CPNE5: variants seen among roughly 807,000 people sequenced by gnomAD.
CPNE5 encodes copine-5.
Under a neutral mutation model 81.1 loss-of-function variants are expected in CPNE5, and 42 were observed. The ratio of observed to expected loss-of-function variants is 0.52; its 90% confidence interval spans 0.40 to 0.67. CPNE5 has a LOEUF of 0.67. Among genes scored for constraint, CPNE5 ranks in the 30% least tolerant of loss-of-function variants. The pLI is 0.00. For missense variants in CPNE5, 612 were observed against 815.5 expected (o/e 0.75, Z 3.04); for synonymous variants, 313 against 321.5 (o/e 0.97, Z 0.28).
In CPNE5 at chr6:36,745,039, C is replaced by T; in HGVS notation, c.1431+9G>A. 1.2e-6 allele frequency: 2 copies of T among 1,607,188 alleles called. No homozygotes were observed. The highest frequency in any genetic ancestry group is 8.5e-7 in the Non-Finnish European group (1 of 1,173,668). On this transcript the variant is annotated intron_variant, in intron 18 of 20. Coordinates refer to ENST00000244751, the MANE Select transcript of CPNE5 (RefSeq NM_020939.2). ...AAACCGCCTCCCCCACCGCACACTC[C>T]TTGCTTACGTTGACAATGGCCTCCT...
intron 7 of CPNE5, chr6:36,792,497 AC>A: frequency 2.4e-6 from 2 of 833,930 alleles, no homozygotes; most frequent in Non-Finnish European, 3.5e-6. Context: ...CACCCAGCTG[AC>A]CCCCAGCGTC....
rs202188980 is a variant in CPNE5, at chr6:36,778,948, T to C, written c.538A>G (p.Thr180Ala). ...EELSNCRDVA[T>A]MQFCANKLDK... Reference sequence around the variant, plus strand: ...AGCTTGTTGGCACAGAACTGCATGGTGGCGACATCCTGGTGGGAGGGAGGG... The same window carrying C: ...AGCTTGTTGGCACAGAACTGCATGGCGGCGACATCCTGGTGGGAGGGAGGG... The change falls in exon 9 of 21, where the codon ACC becomes GCC. Residue 180 changes from threonine to alanine, a missense_variant. Transcript: ENST00000244751. 1.7e-5 allele frequency: 27 copies of C among 1,592,834 alleles called. No individual in the cohort carries two copies. The East Asian group carries it at 5.4e-4, about 32-fold the overall frequency.
At chr6:36,795,367 C>T (rs372656477) in intron 6 of CPNE5, among the ~76,000 whole-genome samples, 6 of 151,980 alleles carry the variant, frequency 3.9e-5, no homozygotes, top group South Asian at 2.1e-4. Context: ...TTAGTAGAGA[C>T]GAGGTTTCAC....
intron 6 of CPNE5, among the ~76,000 whole-genome samples, chr6:36,796,419 C>T (rs1769581030): frequency 6.6e-6 from 1 of 152,186 alleles, no homozygotes; most frequent in African/African-American, 2.4e-5. Flanking sequence ...GGCTTTGGAC[C>T]CAGGCAGCTG....
chr6:36,784,936 AAGAG>A (rs1472809211), intron 8 of CPNE5, among the ~76,000 whole-genome samples: 1 of 142,258 alleles, frequency 7.0e-6, no homozygotes, highest in Non-Finnish European at 1.5e-5. Flanking sequence ...CTCAAAAACA[AAGAG>A]AGAGAGAGGA....
chr6:36,754,904 A>T (rs533965623), intron 13 of CPNE5: 1 of 152,324 alleles, frequency 6.6e-6, no homozygotes, highest in African/African-American at 2.4e-5. Context: ...GGTGCTAAAC[A>T]TCCTGTGAGA....
chr6:36,795,800 C>CATGCCTGGCCCAAAATAG (rs1769516075), intron 6 of CPNE5, among the ~76,000 whole-genome samples: 1 of 152,208 alleles, frequency 6.6e-6, no homozygotes. Context: ...CACTGACCCT[C>CATGCCTGGCCCAAAATAG]ATGCCTGGCC....
chr6:36,818,738 G>T (rs1439357897), intron 3 of CPNE5, among the ~76,000 whole-genome samples: 1 of 152,162 alleles, frequency 6.6e-6, no homozygotes, highest in Non-Finnish European at 1.5e-5. Context: ...CCACACCAAG[G>T]CCACCTGTCT....
intron 3 of CPNE5, among the ~76,000 whole-genome samples, chr6:36,800,646 G>A (rs1474418522): frequency 6.6e-6 from 1 of 152,182 alleles, no homozygotes; most frequent in African/African-American, 2.4e-5. Context: ...AGCTCCTCTC[G>A]AACGTGGGCT....
chr6:36,776,366 C>T (rs1435711663), intron 9 of CPNE5, among the ~76,000 whole-genome samples: 1 of 152,242 alleles, frequency 6.6e-6, no homozygotes, highest in Non-Finnish European at 1.5e-5. Flanking sequence ...TTCTCTGCTC[C>T]TTCTCGCCCA....
At chr6:36,760,922 C>T (rs987337419) in intron 12 of CPNE5, among the ~76,000 whole-genome samples, 1 of 152,240 alleles carries the variant, frequency 6.6e-6, no homozygotes, top group Non-Finnish European at 1.5e-5. Context: ...CCTGGGACTG[C>T]CAGAGCTGTG....
In CPNE5 at chr6:36,745,258, C is replaced by A. The variant is rs2150357224; in HGVS notation, c.1329-108G>T. 25 of 1,424,468 alleles carry A rather than the reference C, an allele frequency of 1.8e-5. No homozygotes were observed. The South Asian group carries it at 2.8e-4, about 16-fold the overall frequency. 88.2% of individuals were successfully genotyped at this position (1,424,468 alleles called of 1,614,324 possible). On this transcript the variant is annotated intron_variant, in intron 17 of 20. Transcript: ENST00000244751. ...GGAGGGTGACAGCTCTTGGGGGAAT[C>A]TCTTCAGGGTCAGGGCTCCCTGAAA...
intron 12 of CPNE5, among the ~76,000 whole-genome samples, chr6:36,762,284 ACG>A (rs1225121687): frequency 6.9e-6 from 1 of 145,848 alleles, no homozygotes; most frequent in African/African-American, 2.6e-5. Flanking sequence ...ACACACACGC[ACG>A]CGCACACACA....
intron 3 of CPNE5, among the ~76,000 whole-genome samples, chr6:36,808,073 T>C (rs1403613245): frequency 6.6e-6 from 1 of 151,324 alleles, no homozygotes; most frequent in Non-Finnish European, 1.5e-5. Context: ...CCCTCTCTGT[T>C]GCTTCCAGAT....
intron 3 of CPNE5, among the ~76,000 whole-genome samples, chr6:36,810,431 A>G (rs570508477): frequency 6.6e-6 from 1 of 152,328 alleles, no homozygotes; most frequent in South Asian, 2.1e-4. Flanking sequence ...CCCCTCATGA[A>G]TCATGTTCAC....
intron 3 of CPNE5, among the ~76,000 whole-genome samples, chr6:36,804,216 A>T (rs1206706122): frequency 1.3e-5 from 2 of 152,204 alleles, no homozygotes; most frequent in African/African-American, 4.8e-5. Flanking sequence ...AACTGTGAGG[A>T]GTCATCAAGC....
intron 14 of CPNE5, among the ~76,000 whole-genome samples, chr6:36,750,787 T>G (rs916840306): frequency 1.3e-5 from 2 of 152,198 alleles, no homozygotes; most frequent in Admixed American, 6.5e-5. Context: ...GGGACTATAC[T>G]GGAGGGACAC....
At chr6:36,827,557 C>T (rs551323146) in intron 1 of CPNE5, 102 of 985,254 alleles carry the variant, frequency 1.0e-4, no homozygotes, top group Non-Finnish European at 1.2e-4. Flanking sequence ...GACACCGTCT[C>T]TTAGGGCCTC....
At position 36,839,378 on chromosome 6, in the gene CPNE5, C is replaced by T; in HGVS notation, c.-1G>A. On this transcript the variant is annotated 5_prime_UTR_variant, in exon 1 of 21. Coordinates refer to ENST00000244751, the MANE Select transcript of CPNE5 (RefSeq NM_020939.2). This position sits in a 1 kb window ranked among gnomAD's most constrained non-coding sequence, Gnocchi z 7.3. ...ACGCCATGTCCTCAGGCTGCTCCAT[C>T]GCCCACCGCACCCCCCACCCCAAAT... is the stretch of plus-strand genomic sequence containing the variant. The T allele has an allele frequency of 6.5e-7, 1 of 1,544,558 alleles. No homozygotes were observed. Among genetic ancestry groups the T allele is most frequent in the Non-Finnish European group, 8.8e-7 (1 of 1,142,840 alleles).
Sources: gnomAD v4.1 joint callset for allele counts (sites outside exome capture counted in the v4.1 genomes callset) on GRCh38, gnomAD v4.1.1 for gene constraint, Gnocchi (gnomAD v3.1) non-coding constraint, MANE v1.5 for transcripts, NCBI Gene and HGNC (gene_info 2026-07-23, HGNC 2026-07-21) for gene names.